LUZP2: variants seen among roughly 807,000 people sequenced by gnomAD.
LUZP2 encodes leucine zipper protein 2.
A neutral mutation model predicts 51.6 loss-of-function variants in LUZP2; 52 were observed. The observed-to-expected ratio is 1.01, with a 90% CI of 0.81 to 1.27. The LOEUF is 1.27. Among genes scored for constraint, LUZP2 ranks in the 50% most tolerant of loss-of-function variants. The pLI is 0.00. For synonymous variants in LUZP2, 154 were observed against 137.3 expected, an observed-to-expected ratio of 1.12 and a Z score of -0.85; for missense variants, 436 against 395.4, an observed-to-expected ratio of 1.10 and a Z score of -0.87.
chr11:24,708,612 T>A (rs756657733), intron 1 of LUZP2, among the ~76,000 whole-genome samples: 15 of 152,156 alleles, frequency 9.9e-5, no homozygotes, highest in Non-Finnish European at 2.1e-4. Flanking sequence ...CTTGTAGGCC[T>A]ATAAGAATCA....
At chr11:24,566,341 T>A (rs1254681513) in intron 1 of LUZP2, among the ~76,000 whole-genome samples, 9 of 146,492 alleles carry the variant, frequency 6.1e-5, no homozygotes, top group Middle Eastern at 3.5e-3. Flanking sequence ...TTTTTTTTTT[T>A]TTTTTTTGAG....
chr11:24,622,425 G>A (rs372596865), intron 1 of LUZP2, among the ~76,000 whole-genome samples: 2 of 151,896 alleles, frequency 1.3e-5, no homozygotes, highest in Admixed American at 6.6e-5. Context: ...GGCTGATCTC[G>A]AATTTCAGAG....
At chr11:24,776,889 C>A (rs1848941594) in intron 5 of LUZP2, among the ~76,000 whole-genome samples, 1 of 151,958 alleles carries the variant, frequency 6.6e-6, no homozygotes, top group African/African-American at 2.4e-5. Context: ...TGACACCCAC[C>A]TTTGTGCCTC....
chr11:25,033,255 CTG>C (rs1288417737), intron 9 of LUZP2, among the ~76,000 whole-genome samples: 2 of 152,170 alleles, frequency 1.3e-5, no homozygotes, highest in Middle Eastern at 3.2e-3. Flanking sequence ...GCTTTGAAAA[CTG>C]TATATTAACC....
chr11:24,919,985 A>T (rs1346335428), intron 7 of LUZP2, among the ~76,000 whole-genome samples: 3 of 151,808 alleles, frequency 2.0e-5, no homozygotes, highest in Non-Finnish European at 3.0e-5. Context: ...AACCATGACA[A>T]GTTGTGTTCC....
At chr11:24,628,205 C>A (rs1038332988) in intron 1 of LUZP2, among the ~76,000 whole-genome samples, 10 of 124,680 alleles carry the variant, frequency 8.0e-5, no homozygotes, top group African/African-American at 2.8e-4. Context: ...ACACACACAC[C>A]CATGCATACA....
chr11:24,876,751 G>T (rs1369994099), intron 5 of LUZP2, among the ~76,000 whole-genome samples: 1 of 151,956 alleles, frequency 6.6e-6, no homozygotes, highest in African/African-American at 2.4e-5. Context: ...TCTTCCATTT[G>T]TTTGTATCCT....
chr11:24,528,391 A>T (rs1273211761), intron 1 of LUZP2, among the ~76,000 whole-genome samples: 1 of 151,368 alleles, frequency 6.6e-6, no homozygotes, highest in African/African-American at 2.4e-5. Flanking sequence ...ACCAAAGAAC[A>T]TCTCAGGGGA....
At chr11:24,649,672 G>A (rs960584182) in intron 1 of LUZP2, among the ~76,000 whole-genome samples, 12 of 151,858 alleles carry the variant, frequency 7.9e-5, no homozygotes, top group African/African-American at 2.4e-5. Context: ...AGCGATAGGT[G>A]TTATAACCTG....
At chr11:25,072,887 G>A (rs1438785812) in intron 10 of LUZP2, among the ~76,000 whole-genome samples, 2 of 152,010 alleles carry the variant, frequency 1.3e-5, no homozygotes, top group Non-Finnish European at 2.9e-5. Flanking sequence ...TCTTTCCAAA[G>A]CAAAACATGA....
chr11:24,588,103 A>G (rs1431535462), intron 1 of LUZP2, among the ~76,000 whole-genome samples: 1 of 152,046 alleles, frequency 6.6e-6, no homozygotes, highest in East Asian at 1.9e-4. Flanking sequence ...TAATAAATCT[A>G]TTTACATCTT....
At chr11:24,911,792 G>A (rs1431279860) in intron 6 of LUZP2, among the ~76,000 whole-genome samples, 3 of 152,166 alleles carry the variant, frequency 2.0e-5, no homozygotes, top group Admixed American at 2.0e-4. Context: ...TGTGAGGACA[G>A]ACAGTGATGT....
intron 7 of LUZP2, among the ~76,000 whole-genome samples, chr11:24,964,809 T>C (rs987160005): frequency 6.6e-6 from 1 of 152,040 alleles, no homozygotes. Flanking sequence ...TTTTTTACTG[T>C]ATTTATTTAC....
Position 24,734,385 on chromosome 11 carries a change from A to G in LUZP2, c.251+2197A>G, listed in dbSNP as rs1003963333. On this transcript the variant is annotated intron_variant, in intron 3 of 11. Coordinates refer to ENST00000336930, the MANE Select transcript of LUZP2 (RefSeq NM_001009909.4). ...ACAAAAATCAGGAAAAAAAAATGTG[A>G]ATAGGTGTTTAAGAATTTTAATCAT... is the stretch of plus-strand genomic sequence containing the variant. 1.1e-4 allele frequency among the ~76,000 whole-genome samples: 17 copies of G among 151,974 alleles called. No homozygotes were observed. In the South Asian group the frequency reaches 3.3e-3, roughly 30 times the overall value.
chr11:24,660,173 C>G (rs980938555), intron 1 of LUZP2, among the ~76,000 whole-genome samples: 3 of 152,086 alleles, frequency 2.0e-5, no homozygotes, highest in African/African-American at 7.2e-5. Flanking sequence ...GGAAGAGGAT[C>G]CAGAGGAACC....
At chr11:24,606,886 C>G (rs1486520794) in intron 1 of LUZP2, among the ~76,000 whole-genome samples, 1 of 151,874 alleles carries the variant, frequency 6.6e-6, no homozygotes, top group African/African-American at 2.4e-5. Flanking sequence ...TTCCTTTTCC[C>G]TAATGATGAC....
chr11:25,063,725 T>C (rs1858917434), intron 10 of LUZP2, among the ~76,000 whole-genome samples: 1 of 149,982 alleles, frequency 6.7e-6, no homozygotes, highest in African/African-American at 2.4e-5. Context: ...AACCACCATT[T>C]GTTAAATACA....
chr11:24,773,783 T>G (rs1165093213), intron 5 of LUZP2, among the ~76,000 whole-genome samples: 1 of 152,122 alleles, frequency 6.6e-6, no homozygotes, highest in Non-Finnish European at 1.5e-5. Flanking sequence ...TACTCTCCAG[T>G]GAGTTTTGGA....
chr11:24,561,970 A>T (rs1852054550), intron 1 of LUZP2, among the ~76,000 whole-genome samples: 1 of 152,166 alleles, frequency 6.6e-6, no homozygotes, highest in Admixed American at 6.5e-5. Flanking sequence ...AGATGCAAGA[A>T]AGTAGATGTT....
Sources: allele counts gnomAD v4.1 joint callset (sites outside exome capture counted in the v4.1 genomes callset), GRCh38; gene constraint gnomAD v4.1.1; transcripts MANE v1.5; gene names NCBI Gene and HGNC (gene_info 2026-07-23, HGNC 2026-07-21).